LRRC31: variants seen among roughly 807,000 people sequenced by gnomAD.
The protein encoded by LRRC31 is leucine rich repeat containing 31, also known as leucine-rich repeat-containing protein 31.
LRRC31 carries 35 observed loss-of-function variants against 46.7 expected under a neutral mutation model. The ratio of observed to expected loss-of-function variants is 0.75; its 90% CI spans 0.57 to 0.99. LRRC31 has a LOEUF of 0.99. Among genes scored for constraint, LRRC31 ranks in the 50% least tolerant of loss-of-function variants. The pLI, the probability that LRRC31 is intolerant of heterozygous loss-of-function variation, is 0.00. For synonymous variants in LRRC31, 236 were observed against 235.1 expected, an observed-to-expected ratio of 1.00 and a Z score of -0.03; for missense variants, 613 against 626.1, an observed-to-expected ratio of 0.98 and a Z score of 0.22.
chr3:169,856,910 G>C, intron 3 of LRRC31, 38 bp from the exon 4 acceptor site: 1 of 1,566,806 alleles, frequency 6.4e-7, no homozygotes, highest in Non-Finnish European at 8.7e-7. Context: ...TTGGTCACTA[G>C]TCAGAAAAGC....
At chr3:169,850,479 G>A (rs1424988768) in intron 7 of LRRC31, among the ~76,000 whole-genome samples, 3 of 152,330 alleles carry the variant, frequency 2.0e-5, no homozygotes, top group African/African-American at 7.2e-5. Flanking sequence ...ACAAGTCTAG[G>A]TATGCTTGAA....
At chr3:169,853,133 GC>G (rs1447421781) in intron 6 of LRRC31, 4 of 757,740 alleles carry the variant, frequency 5.3e-6, no homozygotes, top group Non-Finnish European at 6.4e-6. Flanking sequence ...GTTTACTCCT[GC>G]CCTTGCCATA....
At chr3:169,841,938 G>C (rs1019404610) in intron 8 of LRRC31, among the ~76,000 whole-genome samples, 2 of 152,090 alleles carry the variant, frequency 1.3e-5, no homozygotes, top group Non-Finnish European at 2.9e-5. Context: ...CCAGCTACTC[G>C]GGAGGCTGAG....
At chr3:169,863,213 A>G (rs996134844) in intron 1 of LRRC31, among the ~76,000 whole-genome samples, 2 of 152,166 alleles carry the variant, frequency 1.3e-5, no homozygotes, top group African/African-American at 4.8e-5. Flanking sequence ...TACATAAAAC[A>G]CATCATACTT....
At chr3:169,856,916 A>G (rs1261665739) in intron 3 of LRRC31, 44 bp from the exon 4 acceptor site, 3 of 1,552,056 alleles carry the variant, frequency 1.9e-6, no homozygotes, top group Admixed American at 1.8e-5. Flanking sequence ...ACTAGTCAGA[A>G]AAGCAGGGAA....
At chr3:169,866,963 AAAAG>A (rs1299471910) in intron 1 of LRRC31, among the ~76,000 whole-genome samples, 25 of 151,708 alleles carry the variant, frequency 1.6e-4, no homozygotes, top group Non-Finnish European at 2.9e-4. Flanking sequence ...CTCTGTCTCA[AAAAG>A]AAAGAAAGAA....
chr3:169,850,123 C>T (rs952439771), intron 7 of LRRC31, among the ~76,000 whole-genome samples: 11 of 151,942 alleles, frequency 7.2e-5, no homozygotes, highest in Non-Finnish European at 1.6e-4. Context: ...GTACTGTCCA[C>T]CAGACAAGGG....
chr3:169,840,390 T>A, intron 8 of LRRC31, 77 bp from the exon 9 acceptor site: 2 of 1,389,196 alleles, frequency 1.4e-6, no homozygotes, highest in Non-Finnish European at 2.0e-6. Context: ...CCCATAACAC[T>A]ATCTCCAGGA....
intron 5 of LRRC31, 106 bp downstream of exon 5, chr3:169,856,230 T>G: frequency 1.9e-6 from 1 of 538,822 alleles, no homozygotes; most frequent in Non-Finnish European, 2.6e-6. Context: ...GCACAACCAC[T>G]GTTTATATTT....
intron 3 of LRRC31, among the ~76,000 whole-genome samples, chr3:169,858,905 C>G (rs1021603407): frequency 4.8e-5 from 7 of 146,350 alleles, no homozygotes; most frequent in Non-Finnish European, 7.5e-5. Flanking sequence ...ACTTGGGAGG[C>G]TGAGGCAGGA....
intron 1 of LRRC31, among the ~76,000 whole-genome samples, chr3:169,866,015 A>C (rs1781319790): frequency 6.6e-6 from 1 of 152,162 alleles, no homozygotes; most frequent in Admixed American, 6.5e-5. Flanking sequence ...AGGTGGGAGA[A>C]GGCAAAGGTC....
Position 169,839,964 on chromosome 3 carries a change from A to G in LRRC31, c.*18T>C. Reference sequence around the variant, plus strand: ...TTTGGAGAATGGTTTGTAGCTTAGTAGGACATGGGAAATCAGTTTACTGAA... The same window carrying G: ...TTTGGAGAATGGTTTGTAGCTTAGTGGGACATGGGAAATCAGTTTACTGAA... On this transcript the variant is annotated 3_prime_UTR_variant, in exon 9 of 9. Coordinates refer to ENST00000316428, the MANE Select transcript of LRRC31 (RefSeq NM_024727.4). The G allele has an allele frequency of 6.3e-7, 1 of 1,576,892 alleles. No homozygotes were observed. The highest frequency in any genetic ancestry group is 8.7e-7 in the Non-Finnish European group (1 of 1,155,810).
intron 8 of LRRC31, 95 bp from the exon 9 acceptor site, chr3:169,840,408 T>C: frequency 6.3e-6 from 8 of 1,269,146 alleles, no homozygotes; most frequent in Non-Finnish European, 9.0e-6. Flanking sequence ...GGAATAGTAA[T>C]GACAAGATTA....
At chr3:169,862,525 G>A (rs1261395913) in intron 1 of LRRC31, among the ~76,000 whole-genome samples, 6 of 152,164 alleles carry the variant, frequency 3.9e-5, no homozygotes, top group African/African-American at 1.4e-4. Context: ...TACTTTGGAA[G>A]GCTGAGGCGG....
chr3:169,866,133 A>T (rs1391980281), intron 1 of LRRC31, among the ~76,000 whole-genome samples: 4 of 152,188 alleles, frequency 2.6e-5, no homozygotes, highest in Non-Finnish European at 5.9e-5. Flanking sequence ...GAGAGACACC[A>T]CCATATCTGT....
At chr3:169,844,930 CAAAAAA>C (rs59099192) in intron 8 of LRRC31, among the ~76,000 whole-genome samples, 1 of 99,628 alleles carries the variant, frequency 1.0e-5, no homozygotes. Context: ...GACTCCATCT[CAAAAAA>C]AAAAAAAAAA....
chr3:169,856,372 A>G lies in LRRC31; in HGVS notation c.787T>C (p.Ser263Pro). 1 of 1,598,546 alleles carries G rather than the reference A, an allele frequency of 6.3e-7. No homozygotes were observed. Among genetic ancestry groups the G allele is most frequent in the African/African-American group, 1.3e-5 (1 of 74,574 alleles). Residue 263 changes from serine to proline, a missense_variant, in exon 5 of 9, where the codon TCA becomes CCA. Coordinates refer to ENST00000316428, the MANE Select transcript of LRRC31 (RefSeq NM_024727.4). ...TSNLKVLKLHSCGLSQKSVKI... is the reference protein window; with the variant it reads ...TSNLKVLKLHPCGLSQKSVKI... ...ACACTCTTTTGTGATAATCCACATG[A>G]ATGTAACTTCAGTACTTTCAGATTT...
chr3:169,848,870 G>A (rs978237858), intron 7 of LRRC31, among the ~76,000 whole-genome samples: 1 of 152,200 alleles, frequency 6.6e-6, no homozygotes, highest in African/African-American at 2.4e-5. Context: ...GTAGGAAGGA[G>A]AAAGAGGCAA....
At chr3:169,846,580 G>A (rs918774437) in intron 8 of LRRC31, among the ~76,000 whole-genome samples, 2 of 152,044 alleles carry the variant, frequency 1.3e-5, no homozygotes, top group Admixed American at 1.3e-4. Flanking sequence ...CATGGCAGGC[G>A]GAGGTTGCAG....
Sources: gnomAD v4.1 joint callset for allele counts (sites outside exome capture counted in the v4.1 genomes callset) on GRCh38, gnomAD v4.1.1 for gene constraint, MANE v1.5 for transcripts, NCBI Gene and HGNC (gene_info 2026-07-23, HGNC 2026-07-21) for gene names.